The following SNX13 variants were observed in gnomAD, a reference collection of about 807,000 sequenced individuals.
The protein encoded by SNX13 is sorting nexin 13, also known as sorting nexin-13.
SNX13 carries 45 observed loss-of-function variants against 133.6 expected under a neutral mutation model. The observed-to-expected ratio is 0.34, with a 90% confidence interval of 0.27 to 0.43. SNX13 has a LOEUF of 0.43. Ranked by LOEUF, SNX13 falls within the 20% of genes least tolerant of loss-of-function variation. SNX13 has a pLI of 1.00. For missense variants in SNX13, 1,032 were observed against 1,145.1 expected (o/e 0.90, Z 1.43); for synonymous variants, 414 against 373.9 (o/e 1.11, Z -1.24).
At chr7:17,836,514 AAAC>A (rs773098655) in intron 13 of SNX13, among the ~76,000 whole-genome samples, 11 of 152,234 alleles carry the variant, frequency 7.2e-5, no homozygotes, top group African/African-American at 2.2e-4. Flanking sequence ...TCAAAAAACA[AAAC>A]AACAACAAAA....
intron 17 of SNX13, 36 bp downstream of exon 17, chr7:17,825,986 G>C (rs1362042492): frequency 1.5e-6 from 2 of 1,357,584 alleles, no homozygotes; most frequent in Non-Finnish European, 2.0e-6. Context: ...ATAATACATA[G>C]TTTTAATGCA....
At chr7:17,860,131 C>T (rs1398230110) in intron 9 of SNX13, among the ~76,000 whole-genome samples, 1 of 152,060 alleles carries the variant, frequency 6.6e-6, no homozygotes, top group Non-Finnish European at 1.5e-5. Context: ...TAAATTTTTC[C>T]ACATCCTCGC....
intron 1 of SNX13, chr7:17,899,301 A>C (rs767218533): frequency 1.8e-4 from 27 of 152,062 alleles, no homozygotes; most frequent in African/African-American, 6.3e-4. Context: ...TCTTGGGTTA[A>C]ATCTGCTCAG....
intron 4 of SNX13, 47 bp from the exon 5 acceptor site, chr7:17,890,531 A>G (rs78442018): frequency 4.8e-6 from 7 of 1,456,306 alleles, no homozygotes; most frequent in Non-Finnish European, 6.5e-6. Context: ...TTAGGATTTA[A>G]AAAGTTACAG....
intron 17 of SNX13, among the ~76,000 whole-genome samples, chr7:17,822,358 T>C (rs556992049): frequency 5.9e-5 from 9 of 152,264 alleles, no homozygotes; most frequent in African/African-American, 2.2e-4. Context: ...GTTACATTTC[T>C]TTATCTTTCT....
At position 17,850,788 on chromosome 7, in the gene SNX13, T is replaced by C. The variant is rs199691146; in HGVS notation, c.976+38A>G. On this transcript the variant is annotated intron_variant, in intron 10 of 25. Coordinates refer to ENST00000428135, the MANE Select transcript of SNX13 (RefSeq NM_015132.5). Reference sequence around the variant, plus strand: ...CAAAGTTTTGAAGATAAAATAATACTTCAAAAAAATATATCTTAAATTAAA... The same window carrying C: ...CAAAGTTTTGAAGATAAAATAATACCTCAAAAAAATATATCTTAAATTAAA... 296 of 1,392,438 alleles carry C rather than the reference T, an allele frequency of 2.1e-4. 2 individuals are homozygous for C. In the African/African-American group the frequency reaches 4.5e-3, roughly 21 times the overall value. 86.3% of individuals were successfully genotyped at this position (1,392,438 alleles called of 1,614,324 possible). A position where few individuals can be genotyped will look rare whatever the true frequency, so the allele number is the denominator to read the frequency against.
chr7:17,924,976 G>C (rs1320409608), intron 1 of SNX13, among the ~76,000 whole-genome samples: 1 of 152,192 alleles, frequency 6.6e-6, no homozygotes, highest in Non-Finnish European at 1.5e-5. Flanking sequence ...AGGAGGCCAA[G>C]GCGGGCAGAT....
intron 20 of SNX13, among the ~76,000 whole-genome samples, chr7:17,811,102 C>T (rs1785958487): frequency 1.3e-5 from 2 of 151,872 alleles, no homozygotes; most frequent in Admixed American, 1.3e-4. Context: ...ACAAGGATAC[C>T]CTCTCTCACC....
At chr7:17,929,464 C>T (rs1311938912) in intron 1 of SNX13, among the ~76,000 whole-genome samples, 1 of 151,930 alleles carries the variant, frequency 6.6e-6, no homozygotes, top group East Asian at 1.9e-4. Flanking sequence ...AATACCTTAG[C>T]CCTAAGTCTC....
intron 1 of SNX13, among the ~76,000 whole-genome samples, chr7:17,906,623 AATCAATG>A (rs1229823115): frequency 1.3e-5 from 2 of 152,142 alleles, no homozygotes; most frequent in Admixed American, 1.3e-4. Context: ...TTAGAGCAAG[AATCAATG>A]ATCAAATTAT....
At chr7:17,878,625 T>C (rs1795002378) in intron 5 of SNX13, among the ~76,000 whole-genome samples, 1 of 152,144 alleles carries the variant, frequency 6.6e-6, no homozygotes, top group African/African-American at 2.4e-5. Flanking sequence ...CATCCACTCG[T>C]TTCCCTTGCA....
At chr7:17,807,429 C>G (rs898271170) in intron 20 of SNX13, among the ~76,000 whole-genome samples, 2 of 152,222 alleles carry the variant, frequency 1.3e-5, no homozygotes, top group African/African-American at 4.8e-5. Context: ...TCACTAGATT[C>G]CTCCTCTGGG....
intron 24 of SNX13, among the ~76,000 whole-genome samples, chr7:17,797,393 C>G (rs1008329590): frequency 6.6e-6 from 1 of 151,796 alleles, no homozygotes; most frequent in African/African-American, 2.4e-5. Flanking sequence ...AAATTCTAAG[C>G]CCACAACTTA....
chr7:17,845,456 A>G (rs757020455), intron 12 of SNX13, 139 bp downstream of exon 12: 2 of 563,936 alleles, frequency 3.5e-6, no homozygotes, highest in Admixed American at 3.8e-5. Flanking sequence ...GACTCTGTAC[A>G]ACATCATGAA....
rs556555392 is a variant in SNX13 at position 17,825,050 on chromosome 7, T to C, written c.1705+972A>G. Among the ~76,000 whole-genome samples, 272 of 152,290 alleles carry C rather than the reference T, an allele frequency of 1.8e-3. 1 individual carries two copies. The highest frequency in any genetic ancestry group is 6.2e-3 in the African/African-American group (259 of 41,560). ...CCCAAAAGTTCTGGGATTACAGGCG[T>C]GAGCCACCAAGCCCAGCCTGAAATA... On this transcript the variant is annotated intron_variant, in intron 17 of 25. Transcript: ENST00000428135.
chr7:17,798,885 A>T, intron 23 of SNX13, 124 bp downstream of exon 23: 1 of 1,252,744 alleles, frequency 8.0e-7, no homozygotes, highest in Non-Finnish European at 1.1e-6. Flanking sequence ...AGACTGCTTT[A>T]ATGATGTCCT....
intron 1 of SNX13, among the ~76,000 whole-genome samples, chr7:17,906,725 C>T (rs1798439590): frequency 6.6e-6 from 1 of 152,144 alleles, no homozygotes; most frequent in Non-Finnish European, 1.5e-5. Context: ...CCAGAGAAAT[C>T]TGTTCCTAAA....
chr7:17,864,844 G>C (rs1044820312), intron 9 of SNX13, among the ~76,000 whole-genome samples: 1 of 151,802 alleles, frequency 6.6e-6, no homozygotes, highest in Non-Finnish European at 1.5e-5. Context: ...AGGAGGAGGA[G>C]GAGCAGCAGC....
chr7:17,899,474 A>G (rs942911539), intron 1 of SNX13: 4 of 151,786 alleles, frequency 2.6e-5, no homozygotes, highest in African/African-American at 9.7e-5. Context: ...TATTTTCTAG[A>G]TCTTGTAGTT....
Sources: gnomAD v4.1 joint callset for allele counts (sites outside exome capture counted in the v4.1 genomes callset) on GRCh38, gnomAD v4.1.1 for gene constraint, MANE v1.5 for transcripts, NCBI Gene and HGNC (gene_info 2026-07-23, HGNC 2026-07-21) for gene names.